The following ZNF469 variants were observed in gnomAD, a reference collection of about 807,000 sequenced individuals.
ZNF469 encodes zinc finger protein 469.
In ZNF469, 1 loss-of-function variant was observed where a neutral mutation model predicts 1.0. That is an observed-to-expected ratio of 1.00 (90% CI 0.35 to 4.73). The LOEUF is 4.73. ZNF469 is among the 30% of genes most tolerant of loss of function. ZNF469 has a pLI of 0.16. For missense variants in ZNF469, 6,100 were observed against 5,356.3 expected (o/e 1.14, Z -4.33); for synonymous variants, 2,703 against 2,363.4 (o/e 1.14, Z -4.17).
At chr16:88,383,301 C>A (rs1167730032) in intron 1 of ZNF469, among the ~76,000 whole-genome samples, 47 bp downstream of exon 1, 1 of 147,216 alleles carries the variant, frequency 6.8e-6, no homozygotes, top group African/African-American at 2.4e-5. Flanking sequence ...CTGGGGACCC[C>A]GGGCTGGAAC....
chr16:88,251,898 C>T, the ZNF469 span, among the ~76,000 whole-genome samples: 1 of 151,586 alleles, frequency 6.6e-6, no homozygotes, highest in Non-Finnish European at 1.5e-5. Context: ...GATTTTTAAG[C>T]CTGAATCCTG....
the ZNF469 span, among the ~76,000 whole-genome samples, chr16:88,301,323 T>G: frequency 2.0e-5 from 3 of 151,998 alleles, no homozygotes; most frequent in East Asian, 5.9e-4. Flanking sequence ...CCTGGCTAAT[T>G]TTTTGTATTT....
At chr16:88,165,412 G>A in the ZNF469 span, among the ~76,000 whole-genome samples, 1 of 152,158 alleles carries the variant, frequency 6.6e-6, no homozygotes, top group Non-Finnish European at 1.5e-5. Flanking sequence ...GGGTCTGCTG[G>A]TCTCTCCTAG....
At chr16:88,199,416 A>G in the ZNF469 span, among the ~76,000 whole-genome samples, 2 of 152,330 alleles carry the variant, frequency 1.3e-5, no homozygotes, top group South Asian at 4.1e-4. Flanking sequence ...CCGCCGGCCC[A>G]CATGTCCCTG....
the ZNF469 span, among the ~76,000 whole-genome samples, chr16:88,372,628 C>T: frequency 6.6e-6 from 1 of 151,050 alleles, no homozygotes; most frequent in Non-Finnish European, 1.5e-5. Flanking sequence ...GTCATCTTCA[C>T]CATCACCACC....
At chr16:88,412,045 G>C (rs1905182163) in intron 1 of ZNF469, among the ~76,000 whole-genome samples, 2 of 152,296 alleles carry the variant, frequency 1.3e-5, no homozygotes, top group African/African-American at 4.8e-5. Flanking sequence ...TCCTGCCAGA[G>C]CCGAGTCAGC....
At chr16:88,381,205 G>GACACAC (rs140845577), upstream of ZNF469, among the ~76,000 whole-genome samples, 3 of 99,292 alleles carry the variant, frequency 3.0e-5, no homozygotes, top group Admixed American at 1.0e-4. Flanking sequence ...TGCATTCACA[G>GACACAC]ACACACACAC....
the ZNF469 span, among the ~76,000 whole-genome samples, chr16:88,236,782 G>T: frequency 2.6e-5 from 4 of 151,788 alleles, no homozygotes; most frequent in African/African-American, 9.7e-5. Flanking sequence ...CAAGAGAATC[G>T]CTTGAACCTG....
At chr16:88,192,973 GTGA>G in the ZNF469 span, among the ~76,000 whole-genome samples, 12 of 150,268 alleles carry the variant, frequency 8.0e-5, no homozygotes, top group South Asian at 2.3e-3. Flanking sequence ...GGTGATGGTA[GTGA>G]TGGTGGTGGT....
chr16:88,343,290 A>C, the ZNF469 span, among the ~76,000 whole-genome samples: 1 of 152,334 alleles, frequency 6.6e-6, no homozygotes, highest in East Asian at 1.9e-4. Context: ...TTAAAATCCC[A>C]AGGATAGAAT....
the ZNF469 span, among the ~76,000 whole-genome samples, chr16:88,130,794 C>A: frequency 1.3e-5 from 2 of 151,854 alleles, no homozygotes; most frequent in African/African-American, 4.8e-5. Flanking sequence ...ACGAAGACAG[C>A]AATACAGATG....
the ZNF469 span, among the ~76,000 whole-genome samples, chr16:88,127,579 C>T: frequency 1.2e-4 from 18 of 152,196 alleles, no homozygotes; most frequent in African/African-American, 4.1e-4. Flanking sequence ...TATTCAGATA[C>T]GGCGAAACCA....
chr16:88,296,857 C>T, the ZNF469 span, among the ~76,000 whole-genome samples: 2 of 152,194 alleles, frequency 1.3e-5, no homozygotes, highest in African/African-American at 2.4e-5. Flanking sequence ...CACACCCCAC[C>T]GAGGGGAGGG....
chr16:88,305,977 T>C, the ZNF469 span, among the ~76,000 whole-genome samples: 1 of 152,174 alleles, frequency 6.6e-6, no homozygotes, highest in Non-Finnish European at 1.5e-5. Context: ...CTTACACACA[T>C]GCACACATGT....
At chr16:88,230,071 C>T in the ZNF469 span, among the ~76,000 whole-genome samples, 4 of 152,204 alleles carry the variant, frequency 2.6e-5, no homozygotes, top group Non-Finnish European at 5.9e-5. Context: ...TCCAGTGTCC[C>T]TTTCCCTCCG....
chr16:88,221,151 G>T, the ZNF469 span, among the ~76,000 whole-genome samples: 4 of 152,198 alleles, frequency 2.6e-5, no homozygotes, highest in African/African-American at 4.8e-5. Flanking sequence ...GCCTGGACCC[G>T]CTGGCACGTT....
the ZNF469 span, among the ~76,000 whole-genome samples, chr16:88,185,265 G>A: frequency 0.46 from 69,036 of 151,618 alleles, 16,786 homozygotes; most frequent in African/African-American, 0.63. Context: ...ACGAACACAG[G>A]CACGCACTAG....
At chr16:88,167,053 C>CTTTTTT in the ZNF469 span, among the ~76,000 whole-genome samples, 24 of 82,804 alleles carry the variant, frequency 2.9e-4, no homozygotes, top group Non-Finnish European at 3.8e-4. Flanking sequence ...CAGGCTTATT[C>CTTTTTT]TTTTTTTTTT....
chr16:88,357,737 T>C, the ZNF469 span, among the ~76,000 whole-genome samples: 1 of 152,266 alleles, frequency 6.6e-6, no homozygotes, highest in African/African-American at 2.4e-5. Context: ...TGGGAGATCA[T>C]GATTCAATTA....
Sources: allele counts gnomAD v4.1 joint callset (sites outside exome capture counted in the v4.1 genomes callset), GRCh38; gene constraint gnomAD v4.1.1; transcripts MANE v1.5; gene names NCBI Gene and HGNC (gene_info 2026-07-23, HGNC 2026-07-21).